The following FAM78B variants were observed in gnomAD, a reference collection of about 807,000 sequenced individuals.
FAM78B encodes the protein protein FAM78B.
A neutral mutation model predicts 20.0 loss-of-function variants in FAM78B; 10 were observed. The ratio of observed to expected loss-of-function variants is 0.50; its 90% CI spans 0.31 to 0.85. The LOEUF is 0.85. Among genes scored for constraint, FAM78B ranks in the 40% least tolerant of loss-of-function variants. The pLI, the probability that FAM78B is intolerant of heterozygous loss-of-function variation, is 0.05. For missense variants in FAM78B, 283 were observed against 345.0 expected, an observed-to-expected ratio of 0.82 and a Z score of 1.42; for synonymous variants, 135 against 132.8, an observed-to-expected ratio of 1.02 and a Z score of -0.12.
At chr1:166,058,746 G>C in exon 3 of FAM78B, 1 of 152,648 alleles carries the variant, frequency 6.6e-6, no homozygotes, top group Non-Finnish European at 1.5e-5. Context: ...GACAGTGTGT[G>C]CACATGTACG....
At chr1:166,079,109 T>C (rs1246931061) in intron 1 of FAM78B, among the ~76,000 whole-genome samples, 1 of 152,006 alleles carries the variant, frequency 6.6e-6, no homozygotes, top group African/African-American at 2.4e-5. Flanking sequence ...TTTTAAAACA[T>C]TTTAAAAGAG....
chr1:166,150,004 T>C (rs1046061061), intron 1 of FAM78B, among the ~76,000 whole-genome samples: 8 of 152,178 alleles, frequency 5.3e-5, no homozygotes, highest in Non-Finnish European at 1.2e-4. Flanking sequence ...TAGTGCAAAG[T>C]GAGCCTTGGG....
In FAM78B at chr1:166,070,020, CA is replaced by C; in HGVS notation, c.*220del. On this transcript the variant is annotated 3_prime_UTR_variant, in exon 2 of 2. Transcript: ENST00000354422. ...TGCATGGTAATCACAGCAAGTCTGT[CA>C]AATCAGTGATTTCTTTATTCCTAAG... 1.6e-6 allele frequency: 2 copies of C among 1,241,506 alleles called. No homozygotes were observed. The highest frequency in any genetic ancestry group is 2.0e-6 in the Non-Finnish European group (2 of 991,174). 76.9% of individuals were successfully genotyped at this position (1,241,506 alleles called of 1,614,324 possible). A position where few individuals can be genotyped will look rare whatever the true frequency, so the allele number is the denominator to read the frequency against.
At chr1:166,137,141 T>C (rs1343778586) in intron 1 of FAM78B, among the ~76,000 whole-genome samples, 1 of 152,234 alleles carries the variant, frequency 6.6e-6, no homozygotes, top group African/African-American at 2.4e-5. Flanking sequence ...ATGCCCAGAA[T>C]GCTAGACTGG....
chr1:166,094,165 C>T (rs1653185600), intron 1 of FAM78B, among the ~76,000 whole-genome samples: 1 of 151,984 alleles, frequency 6.6e-6, no homozygotes, highest in Non-Finnish European at 1.5e-5. Flanking sequence ...GAGCAGAAGC[C>T]ATCAGAACAG....
intron 1 of FAM78B, among the ~76,000 whole-genome samples, chr1:166,080,620 T>A (rs1182332284): frequency 6.6e-6 from 1 of 152,244 alleles, no homozygotes; most frequent in Admixed American, 6.5e-5. Context: ...CTCTTCATCT[T>A]CATGGCTGGA....
At chr1:166,148,635 C>A (rs983627650) in intron 1 of FAM78B, among the ~76,000 whole-genome samples, 1 of 152,222 alleles carries the variant, frequency 6.6e-6, no homozygotes, top group South Asian at 2.1e-4. Context: ...GGCAGGCGGG[C>A]AGCTGGGATG....
intron 1 of FAM78B, among the ~76,000 whole-genome samples, chr1:166,079,998 C>G (rs78490000): frequency 6.6e-6 from 1 of 152,146 alleles, no homozygotes; most frequent in African/African-American, 2.4e-5. Context: ...ATCAGTGTCA[C>G]GTCTACTTTG....
chr1:166,118,492 C>T (rs186415414), intron 1 of FAM78B, among the ~76,000 whole-genome samples: 1 of 152,162 alleles, frequency 6.6e-6, no homozygotes, highest in African/African-American at 2.4e-5. Flanking sequence ...TAGAAATAAC[C>T]TTATGTGTCA....
chr1:166,087,751 A>G (rs1038817829), intron 1 of FAM78B, among the ~76,000 whole-genome samples: 2 of 152,186 alleles, frequency 1.3e-5, no homozygotes, highest in African/African-American at 4.8e-5. Flanking sequence ...TAAAAGTTAC[A>G]TTACTTAATT....
chr1:166,100,740 T>C (rs575456677), intron 1 of FAM78B, among the ~76,000 whole-genome samples: 2 of 152,378 alleles, frequency 1.3e-5, no homozygotes, highest in East Asian at 3.9e-4. Flanking sequence ...GAGGCCTGCC[T>C]GCCTCTGTAG....
intron 1 of FAM78B, among the ~76,000 whole-genome samples, chr1:166,126,152 T>A (rs961180124): frequency 6.6e-6 from 1 of 152,158 alleles, no homozygotes; most frequent in African/African-American, 2.4e-5. Flanking sequence ...TCAATTTTTT[T>A]ATTTTCTGAA....
At chr1:166,061,412 A>G (rs1651593403) in intron 2 of FAM78B, among the ~76,000 whole-genome samples, 1 of 152,156 alleles carries the variant, frequency 6.6e-6, no homozygotes, top group Non-Finnish European at 1.5e-5. Flanking sequence ...GTACTGCTAT[A>G]ATGACACAAA....
chr1:166,157,873 C>T (rs1219879167), intron 1 of FAM78B, among the ~76,000 whole-genome samples: 4 of 152,280 alleles, frequency 2.6e-5, no homozygotes, highest in East Asian at 1.9e-4. Context: ...CTGAGGATGT[C>T]GTCCCCCTGC....
intron 1 of FAM78B, among the ~76,000 whole-genome samples, chr1:166,142,954 T>C (rs1010830785): frequency 6.6e-6 from 1 of 152,162 alleles, no homozygotes. Flanking sequence ...GTTTGGTCAA[T>C]GGTACAGTAG....
intron 1 of FAM78B, among the ~76,000 whole-genome samples, chr1:166,139,093 C>A (rs1571197534): frequency 6.6e-6 from 1 of 152,098 alleles, no homozygotes; most frequent in Non-Finnish European, 1.5e-5. Context: ...AAGGGGGACA[C>A]CAGAAATTTT....
At position 166,143,280 on chromosome 1, in the gene FAM78B, G is replaced by A. The variant is rs538516938; in HGVS notation, c.263+22706C>T. 1.2e-4 allele frequency among the ~76,000 whole-genome samples: 18 copies of A among 152,214 alleles called. No homozygotes were observed. In the South Asian group the frequency reaches 2.1e-3, roughly 18 times the overall value. ...GTGCCAGGGAGGGCTCTGGGGAGAT[G>A]CACAGGTGTCTTCTAGGAGAGGAGA... On this transcript the variant is annotated intron_variant, in intron 1 of 1. Transcript: ENST00000354422.
intron 1 of FAM78B, among the ~76,000 whole-genome samples, chr1:166,134,173 T>C (rs1654984993): frequency 6.6e-6 from 1 of 152,334 alleles, no homozygotes; most frequent in East Asian, 1.9e-4. Flanking sequence ...TTATCCTTTT[T>C]GGAAAATAAG....
chr1:166,061,136 G>A (rs1651581310), intron 2 of FAM78B, among the ~76,000 whole-genome samples: 1 of 152,166 alleles, frequency 6.6e-6, no homozygotes, highest in Non-Finnish European at 1.5e-5. Flanking sequence ...CAAATCACAT[G>A]AGATAAAACT....
Sources: allele counts gnomAD v4.1 joint callset (sites outside exome capture counted in the v4.1 genomes callset), GRCh38; gene constraint gnomAD v4.1.1; transcripts MANE v1.5; gene names NCBI Gene and HGNC (gene_info 2026-07-23, HGNC 2026-07-21).